MTUS2: variants seen among roughly 807,000 people sequenced by gnomAD.
MTUS2 encodes microtubule associated scaffold protein 2.
A neutral mutation model predicts 114.1 loss-of-function variants in MTUS2; 40 were observed. That is an observed-to-expected ratio of 0.35 (90% CI 0.27 to 0.46). The LOEUF (loss-of-function observed/expected upper bound fraction) is 0.46, where lower values mean the gene tolerates loss of function less well. Ranked by LOEUF, MTUS2 falls within the 20% of genes least tolerant of loss-of-function variation. MTUS2 has a pLI of 1.00. For synonymous variants in MTUS2, 688 were observed against 672.0 expected, an observed-to-expected ratio of 1.02 and a Z score of -0.37; for missense variants, 1,679 against 1,705.4, an observed-to-expected ratio of 0.98 and a Z score of 0.27.
chr13:28,922,872 A>G (rs1881122336), intron 2 of MTUS2, among the ~76,000 whole-genome samples: 1 of 152,160 alleles, frequency 6.6e-6, no homozygotes, highest in African/African-American at 2.4e-5. Flanking sequence ...GGGGGAACAA[A>G]TCGTGTAGAC....
intron 5 of MTUS2, among the ~76,000 whole-genome samples, chr13:29,248,375 A>G (rs1004051927): frequency 1.3e-5 from 2 of 152,220 alleles, no homozygotes; most frequent in Non-Finnish European, 2.9e-5. Context: ...CCTGTTCCCC[A>G]AAAACTTATT....
intron 5 of MTUS2, among the ~76,000 whole-genome samples, chr13:29,203,404 C>T (rs1895042682): frequency 6.6e-6 from 1 of 152,170 alleles, no homozygotes; most frequent in African/African-American, 2.4e-5. Flanking sequence ...GACTGCTGTG[C>T]TGGCAGCGAG....
intron 4 of MTUS2, among the ~76,000 whole-genome samples, chr13:29,081,017 G>A (rs1023197518): frequency 2.0e-5 from 3 of 152,114 alleles, no homozygotes; most frequent in Admixed American, 6.5e-5. Flanking sequence ...GAGCCAACGC[G>A]CCTGGCCCCA....
intron 8 of MTUS2, among the ~76,000 whole-genome samples, chr13:29,389,215 A>G (rs1307673314): frequency 6.7e-6 from 1 of 149,520 alleles, no homozygotes; most frequent in Non-Finnish European, 1.5e-5. Context: ...ATTTTTTCAA[A>G]TATATGTATG....
intron 2 of MTUS2, among the ~76,000 whole-genome samples, chr13:28,987,567 TG>T (rs2138321772): frequency 6.6e-6 from 1 of 152,140 alleles, no homozygotes; most frequent in South Asian, 2.1e-4. Context: ...AAAGACTGTG[TG>T]GGAACCAGGC....
At chr13:29,029,759 G>T (rs1217217210) in intron 3 of MTUS2, among the ~76,000 whole-genome samples, 1 of 152,176 alleles carries the variant, frequency 6.6e-6, no homozygotes, top group Non-Finnish European at 1.5e-5. Context: ...CGTGGTGAGA[G>T]ATGAGCAAGA....
intron 2 of MTUS2, among the ~76,000 whole-genome samples, chr13:28,949,819 C>T (rs1053721457): frequency 2.0e-5 from 3 of 149,966 alleles, no homozygotes; most frequent in Non-Finnish European, 2.9e-5. Flanking sequence ...TGATATTCCA[C>T]TGTAAAGATA....
In MTUS2 at chr13:29,025,053, G is replaced by C; in HGVS notation, c.355G>C (p.Asp119His). ...NEEHTVERGT[D>H]SLQTTRSIQG... Reference sequence around the variant, plus strand: ...AGAGCACACAGTGGAGAGAGGCACAGATAGCCTGCAGACCACGCGGAGTAT... The same window carrying C: ...AGAGCACACAGTGGAGAGAGGCACACATAGCCTGCAGACCACGCGGAGTAT... The change falls in exon 3 of 16, where the codon GAT becomes CAT. Residue 119 changes from aspartate (D) to histidine (H), a missense_variant. This residue lies in a region of MTUS2 where 843 missense variants were observed against 770.8 expected (regional missense o/e 1.09). Coordinates refer to ENST00000612955, the MANE Select transcript of MTUS2 (RefSeq NM_001033602.4). The C allele has an allele frequency of 1.2e-6, 2 of 1,613,978 alleles. No individual in the cohort carries two copies. Among genetic ancestry groups the C allele is most frequent in the Non-Finnish European group, 1.7e-6 (2 of 1,179,890 alleles).
intron 2 of MTUS2, among the ~76,000 whole-genome samples, chr13:28,933,372 C>T (rs758336730): frequency 1.3e-5 from 2 of 152,168 alleles, no homozygotes; most frequent in Admixed American, 6.5e-5. Flanking sequence ...GAATCCCTTC[C>T]AGATTGGGAA....
intron 10 of MTUS2, among the ~76,000 whole-genome samples, chr13:29,483,391 G>C (rs575836487): frequency 4.6e-5 from 7 of 152,216 alleles, no homozygotes; most frequent in African/African-American, 1.7e-4. Context: ...TTGGCCCCCC[G>C]CCATCTCACA....
chr13:29,174,977 A>G (rs967446319), intron 5 of MTUS2, among the ~76,000 whole-genome samples: 1 of 152,190 alleles, frequency 6.6e-6, no homozygotes, highest in African/African-American at 2.4e-5. Context: ...TTCATGCCTC[A>G]ATTATATTTT....
At chr13:28,961,232 C>G (rs752544085) in intron 2 of MTUS2, among the ~76,000 whole-genome samples, 1 of 152,046 alleles carries the variant, frequency 6.6e-6, no homozygotes, top group Non-Finnish European at 1.5e-5. Context: ...TGAAAACTTC[C>G]TAAATTTGTT....
chr13:28,866,711 G>T lies in MTUS2; in HGVS notation c.-243+26861G>T, dbSNP rs886129029. Among the ~76,000 whole-genome samples the T allele has an allele frequency of 2.2e-4, 34 of 152,082 alleles. 1 individual carries two copies. The highest frequency in any genetic ancestry group is 8.2e-4 in the African/African-American group (34 of 41,404). Reference sequence around the variant, plus strand: ...TAGATAAAGTATATGTAATTTTCATGTTAACTTGTAGTAGTTTGAATTCAG... The same window carrying T: ...TAGATAAAGTATATGTAATTTTCATTTTAACTTGTAGTAGTTTGAATTCAG... On this transcript the variant is annotated intron_variant, in intron 2 of 15. Coordinates refer to ENST00000612955, the MANE Select transcript of MTUS2 (RefSeq NM_001033602.4).
intron 2 of MTUS2, among the ~76,000 whole-genome samples, chr13:28,844,382 C>T (rs1205610170): frequency 2.6e-5 from 4 of 152,074 alleles, no homozygotes; most frequent in South Asian, 2.1e-4. Context: ...TTGTACTTAG[C>T]GTCCAGATTT....
chr13:29,428,667 TCCTCTG>T (rs1876750289), intron 8 of MTUS2: 1 of 1,161,252 alleles, frequency 8.6e-7, no homozygotes, highest in Non-Finnish European at 1.1e-6. Flanking sequence ...CTCCTCTCAT[TCCTCTG>T]CCTCCTGGAT....
chr13:29,028,138 G>T (rs1211508693), intron 3 of MTUS2, among the ~76,000 whole-genome samples: 1 of 143,986 alleles, frequency 6.9e-6, no homozygotes, highest in Non-Finnish European at 1.5e-5. Context: ...AGATCACAAG[G>T]TCAGGAGATC....
intron 2 of MTUS2, among the ~76,000 whole-genome samples, chr13:28,893,869 CAAAG>C (rs906140769): frequency 2.0e-5 from 3 of 152,006 alleles, no homozygotes; most frequent in Admixed American, 6.6e-5. Flanking sequence ...TTTTATGACT[CAAAG>C]AAATATGTTG....
At chr13:29,305,586 G>A (rs1007885262) in intron 6 of MTUS2, among the ~76,000 whole-genome samples, 57 of 152,044 alleles carry the variant, frequency 3.7e-4, no homozygotes, top group African/African-American at 1.4e-3. Flanking sequence ...AACTGAACTA[G>A]GAAGAAATTG....
At chr13:29,356,551 A>G (rs1869757267) in intron 7 of MTUS2, among the ~76,000 whole-genome samples, 1 of 152,158 alleles carries the variant, frequency 6.6e-6, no homozygotes, top group African/African-American at 2.4e-5. Context: ...TGGGGACGGT[A>G]TGACATGTGG....
Sources: gnomAD v4.1 joint callset for allele counts (sites outside exome capture counted in the v4.1 genomes callset) on GRCh38, gnomAD v4.1.1 for gene constraint, gnomAD v4.1.1 regional missense constraint, MANE v1.5 for transcripts, NCBI Gene and HGNC (gene_info 2026-07-23, HGNC 2026-07-21) for gene names.